The following CCDC192 variants were observed in gnomAD, a reference collection of about 807,000 sequenced individuals.
The protein encoded by CCDC192 is coiled-coil domain-containing protein 192.
chr5:127,785,171 C>A (rs1311388222), intron 3 of CCDC192: 3 of 527,492 alleles, frequency 5.7e-6, no homozygotes, highest in Non-Finnish European at 1.2e-5. Context: ...CAGTTAGTTA[C>A]CAATTCTCCT....
In CCDC192 at chr5:127,875,669, T is replaced by C. The variant is rs1752048402; in HGVS notation, c.535+8T>C. On this transcript the variant is annotated splice_region_variant and intron_variant, in intron 6 of 6. Coordinates refer to ENST00000514853, the MANE Select transcript of CCDC192 (RefSeq NM_001317938.2). ...GAAAGCCAGCCCCTAGAGGTCAGTA[T>C]TACCACGTGACAGATCCACACTGGC... is the stretch of plus-strand genomic sequence containing the variant. 2 of 398,544 alleles carry C rather than the reference T, an allele frequency of 5.0e-6. No homozygotes were observed. The highest frequency in any genetic ancestry group is 2.5e-4 in the South Asian group (2 of 7,846). 24.7% of individuals were successfully genotyped at this position (398,544 alleles called of 1,614,324 possible).
At chr5:127,773,815 A>T (rs1460880888) in intron 3 of CCDC192, among the ~76,000 whole-genome samples, 1 of 152,164 alleles carries the variant, frequency 6.6e-6, no homozygotes, top group Non-Finnish European at 1.5e-5. Context: ...TAATTCTAGG[A>T]TTAACTTTTT....
chr5:127,760,555 C>A (rs1754856321), intron 3 of CCDC192, among the ~76,000 whole-genome samples: 1 of 151,650 alleles, frequency 6.6e-6, no homozygotes, highest in Admixed American at 6.6e-5. Flanking sequence ...GGTTCTTTTT[C>A]ACCCTTGTCC....
intron 5 of CCDC192, among the ~76,000 whole-genome samples, chr5:127,826,683 G>A (rs776912636): frequency 3.4e-5 from 5 of 149,166 alleles, no homozygotes; most frequent in African/African-American, 5.0e-5. Flanking sequence ...AAAAACTATT[G>A]GGTACTATGC....
chr5:127,726,403 C>G (rs1044902081), intron 2 of CCDC192, among the ~76,000 whole-genome samples: 1 of 152,180 alleles, frequency 6.6e-6, no homozygotes, highest in Non-Finnish European at 1.5e-5. Flanking sequence ...AAGCTTTCAT[C>G]TCATAGGACT....
rs183698448 is a variant in CCDC192 at position 127,930,152 on chromosome 5, G to A, written c.536-11030G>A. 2.4e-4 allele frequency among the ~76,000 whole-genome samples: 36 copies of A among 152,316 alleles called. 1 individual carries two copies. The highest frequency in any genetic ancestry group is 2.1e-3 in the Admixed American group (32 of 15,300). ...CTGGAGGCGGAGGTTACAGTGAGCCGAGATTGTGCCACTTGCACTTCAGCC... is the reference window on the plus strand; with the variant it reads ...CTGGAGGCGGAGGTTACAGTGAGCCAAGATTGTGCCACTTGCACTTCAGCC... On this transcript the variant is annotated intron_variant, in intron 6 of 6. Transcript: ENST00000514853.
intron 2 of CCDC192, among the ~76,000 whole-genome samples, chr5:127,737,309 T>G: frequency 6.6e-6 from 1 of 152,140 alleles, no homozygotes; most frequent in Non-Finnish European, 1.5e-5. Flanking sequence ...TTGTTATAAT[T>G]TCTGTTCTTT....
chr5:127,909,986 A>G (rs541168225), intron 6 of CCDC192, among the ~76,000 whole-genome samples: 1 of 152,314 alleles, frequency 6.6e-6, no homozygotes, highest in South Asian at 2.1e-4. Context: ...CAGTTTCCTC[A>G]TTTCCTCTGT....
intron 5 of CCDC192, among the ~76,000 whole-genome samples, chr5:127,800,399 A>AAAAAAAAAAAAAAC (rs1561495809): frequency 9.1e-6 from 1 of 109,306 alleles, no homozygotes; most frequent in African/African-American, 3.5e-5. Flanking sequence ...AAAAAAAAAA[A>AAAAAAAAAAAAAAC]AACAACAACA....
At chr5:127,759,013 C>G (rs1436366840) in intron 3 of CCDC192, among the ~76,000 whole-genome samples, 1 of 152,212 alleles carries the variant, frequency 6.6e-6, no homozygotes, top group Admixed American at 6.5e-5. Context: ...AGTGTTAGCC[C>G]AGAGTCTCTC....
At chr5:127,767,258 A>G (rs1281918802) in intron 3 of CCDC192, among the ~76,000 whole-genome samples, 2 of 152,142 alleles carry the variant, frequency 1.3e-5, no homozygotes, top group African/African-American at 4.8e-5. Context: ...ATTCCACACA[A>G]GGGTTTCTGG....
chr5:127,719,829 A>AGGGGG (rs1554068199), intron 2 of CCDC192, among the ~76,000 whole-genome samples: 3 of 94,406 alleles, frequency 3.2e-5, no homozygotes, highest in Non-Finnish European at 6.2e-5. Context: ...GATCAGAGGA[A>AGGGGG]GGGGCGGGGG....
At chr5:127,865,653 A>G (rs1455719973) in intron 5 of CCDC192, among the ~76,000 whole-genome samples, 1 of 149,704 alleles carries the variant, frequency 6.7e-6, no homozygotes, top group Non-Finnish European at 1.5e-5. Flanking sequence ...TGTCATCCAT[A>G]CTAGATCAGA....
intron 5 of CCDC192, among the ~76,000 whole-genome samples, chr5:127,838,985 C>T (rs1207842761): frequency 1.3e-5 from 2 of 152,198 alleles, no homozygotes; most frequent in Admixed American, 6.5e-5. Flanking sequence ...AGCAGCTCCA[C>T]AGGAAGCTGT....
chr5:127,919,189 G>A (rs574705740), intron 6 of CCDC192, among the ~76,000 whole-genome samples: 60 of 151,858 alleles, frequency 4.0e-4, no homozygotes, highest in African/African-American at 1.4e-3. Flanking sequence ...AGCTTATCCA[G>A]TTTGACTACT....
chr5:127,844,577 C>T lies in CCDC192; in HGVS notation c.412-30961C>T, dbSNP rs903325397. On this transcript the variant is annotated intron_variant, in intron 5 of 6. Transcript: ENST00000514853. ...CCTGCCCAGGTCACTCTGAGCGACCCGGTGAATCTTTCTCATCCAGCACTA... is the reference window on the plus strand; with the variant it reads ...CCTGCCCAGGTCACTCTGAGCGACCTGGTGAATCTTTCTCATCCAGCACTA... 5.3e-5 allele frequency among the ~76,000 whole-genome samples: 8 copies of T among 152,164 alleles called. 1 individual carries two copies. The highest frequency in any genetic ancestry group is 3.9e-4 in the Admixed American group (6 of 15,282).
intron 2 of CCDC192, among the ~76,000 whole-genome samples, chr5:127,732,447 G>C (rs1752694906): frequency 6.6e-6 from 1 of 152,140 alleles, no homozygotes; most frequent in Non-Finnish European, 1.5e-5. Flanking sequence ...ACTCCTCAAA[G>C]ACATGTAACA....
chr5:127,885,533 G>C (rs1412578643), intron 6 of CCDC192, among the ~76,000 whole-genome samples: 1 of 152,170 alleles, frequency 6.6e-6, no homozygotes, highest in Non-Finnish European at 1.5e-5. Flanking sequence ...CTCTCCTGTA[G>C]CTCCCCAGAA....
At chr5:127,758,957 A>T (rs1432612865) in intron 3 of CCDC192, among the ~76,000 whole-genome samples, 1 of 152,190 alleles carries the variant, frequency 6.6e-6, no homozygotes, top group African/African-American at 2.4e-5. Flanking sequence ...CTGGATCCAG[A>T]TGCATGCCAA....
Sources: allele counts gnomAD v4.1 joint callset (sites outside exome capture counted in the v4.1 genomes callset), GRCh38; gene constraint gnomAD v4.1.1; transcripts MANE v1.5; gene names NCBI Gene and HGNC (gene_info 2026-07-23, HGNC 2026-07-21).